The following PLCH2 variants were observed in gnomAD, a reference collection of about 807,000 sequenced individuals.
The protein encoded by PLCH2 is phospholipase C eta 2.
A neutral mutation model predicts 134.7 loss-of-function variants in PLCH2; 98 were observed. The ratio of observed to expected loss-of-function variants is 0.73; its 90% CI spans 0.62 to 0.86. The LOEUF (loss-of-function observed/expected upper bound fraction) is 0.86. Ranked by LOEUF, PLCH2 falls within the 40% of genes least tolerant of loss-of-function variation. The pLI, the probability that PLCH2 is intolerant of heterozygous loss-of-function variation, is 0.00. For synonymous variants in PLCH2, 974 were observed against 827.5 expected (o/e 1.18, Z -3.04); for missense variants, 1,994 against 1,986.6 (o/e 1.00, Z -0.07).
chr1:2,426,989 C>A (rs1389749188), intron 1 of PLCH2, among the ~76,000 whole-genome samples: 6 of 152,212 alleles, frequency 3.9e-5, no homozygotes, highest in African/African-American at 1.4e-4. Context: ...GGACTGTGGG[C>A]AGCCAGTGGC....
upstream of PLCH2, among the ~76,000 whole-genome samples, chr1:2,467,191 G>A (rs1641096377): frequency 6.6e-6 from 1 of 150,538 alleles, no homozygotes; most frequent in African/African-American, 2.4e-5. Context: ...GGGAGGGAGG[G>A]AGGGAGGGAG....
At chr1:2,440,110 A>G (rs1639619364) in intron 2 of PLCH2, among the ~76,000 whole-genome samples, 1 of 152,158 alleles carries the variant, frequency 6.6e-6, no homozygotes, top group South Asian at 2.1e-4. Context: ...CAGCCAGTCC[A>G]CAGGGCCCTG....
At chr1:2,442,677 G>A (rs1007076149) in intron 2 of PLCH2, among the ~76,000 whole-genome samples, 5 of 152,210 alleles carry the variant, frequency 3.3e-5, no homozygotes, top group Admixed American at 2.6e-4. Flanking sequence ...GTGGGTGCAC[G>A]GGGCTGCCCT....
chr1:2,498,403 T>C lies in PLCH2; in HGVS notation c.2225-120T>C. On this transcript the variant is annotated intron_variant, in intron 16 of 21. Coordinates refer to ENST00000378486, the MANE Select transcript of PLCH2 (RefSeq NM_014638.4). This position sits in a 1 kb window ranked among gnomAD's most constrained non-coding sequence, Gnocchi z 5.4. Reference sequence around the variant, plus strand: ...GGACCACTGCCTCCCTCCCTCCCCCTGGCACCGGCTCCAGTCTCCTATGTG... The same window carrying C: ...GGACCACTGCCTCCCTCCCTCCCCCCGGCACCGGCTCCAGTCTCCTATGTG... 8.5e-7 allele frequency: 1 copy of C among 1,170,026 alleles called. No individual in the cohort carries two copies. Among genetic ancestry groups the C allele is most frequent in the Non-Finnish European group, 1.2e-6 (1 of 840,930 alleles). 72.5% of individuals were successfully genotyped at this position (1,170,026 alleles called of 1,614,324 possible).
chr1:2,461,523 C>T (rs1640800329), intron 2 of PLCH2, among the ~76,000 whole-genome samples: 1 of 152,140 alleles, frequency 6.6e-6, no homozygotes, highest in African/African-American at 2.4e-5. Flanking sequence ...AGAGCCTTCC[C>T]GAAGCTCCGG....
At chr1:2,446,136 G>T (rs551430961) in intron 2 of PLCH2, among the ~76,000 whole-genome samples, 1 of 152,362 alleles carries the variant, frequency 6.6e-6, no homozygotes, top group East Asian at 1.9e-4. Flanking sequence ...CCTAGCCAGG[G>T]TGCTGCCCCT....
At position 2,487,665 on chromosome 1, in the gene PLCH2, C is replaced by T. The variant is rs375699587; in HGVS notation, c.1182C>T (p.Ile394=). 2.1e-5 allele frequency: 34 copies of T among 1,613,430 alleles called. No homozygotes were observed. The Middle Eastern group carries it at 6.6e-4, about 31-fold the overall frequency. ...ATGGCTACACTCTGACTTCCAAGATCCTCTTCAAAGACGTCATTGAAACCA... is the reference window on the plus strand; with the variant it reads ...ATGGCTACACTCTGACTTCCAAGATTCTCTTCAAAGACGTCATTGAAACCA... ...VHHGYTLTSK[I]LFKDVIETIN... is the part of the protein sequence containing the mutation. Residue 394 remains isoleucine (I), a synonymous_variant, in exon 8 of 22, where the codon ATC becomes ATT. Coordinates refer to ENST00000378486, the MANE Select transcript of PLCH2 (RefSeq NM_014638.4).
chr1:2,454,722 G>T (rs953809699), intron 2 of PLCH2, among the ~76,000 whole-genome samples: 1 of 152,200 alleles, frequency 6.6e-6, no homozygotes, highest in Non-Finnish European at 1.5e-5. Context: ...GGGAATGGTG[G>T]CTTCCCTGAG....
chr1:2,492,255 C>T (rs1189035134), intron 11 of PLCH2: 1 of 152,246 alleles, frequency 6.6e-6, no homozygotes, highest in Non-Finnish European at 1.5e-5. Context: ...CCTCGGAGCA[C>T]TCGGCACAGC....
At chr1:2,419,634 T>C in the PLCH2 span, among the ~76,000 whole-genome samples, 10 of 152,004 alleles carry the variant, frequency 6.6e-5, no homozygotes, top group Non-Finnish European at 1.5e-4. Flanking sequence ...CCTCACTGGC[T>C]CTTCTTGCCC....
rs375506000 is a variant in PLCH2 at position 2,468,493 on chromosome 1, A to G, written c.43+831A>G. Among the ~76,000 whole-genome samples the G allele has an allele frequency of 2.4e-3, 237 of 99,864 alleles. 10 individuals are homozygous for G. In the South Asian group the frequency reaches 0.064, roughly 27 times the overall value. The allele number at this position is 99,864 out of a possible 152,430, so 65.5% of individuals were successfully genotyped here. A position where few individuals can be genotyped will look rare whatever the true frequency, so the allele number is the denominator to read the frequency against. ...CTGGGGCAGGGTCTACAGCTCCCCA[A>G]ACACAGCGCTAGCTCTGGGCCAGAG... On this transcript the variant is annotated intron_variant, in intron 1 of 21. Coordinates refer to the PLCH2 transcript ENST00000449969.
At chr1:2,458,566 G>T (rs1640613159) in intron 2 of PLCH2, among the ~76,000 whole-genome samples, 1 of 152,152 alleles carries the variant, frequency 6.6e-6, no homozygotes, top group Admixed American at 6.5e-5. Flanking sequence ...AGTGGGTCCA[G>T]CAAGGTTGGT....
At chr1:2,445,294 G>A (rs10449222) in intron 2 of PLCH2, among the ~76,000 whole-genome samples, 18,042 of 152,048 alleles carry the variant, frequency 0.12, 1,288 homozygotes, top group East Asian at 0.24. Flanking sequence ...GGAGGTGAGA[G>A]AGCTGAGCCT....
At position 2,476,444 on chromosome 1, in the gene PLCH2, G is replaced by C; in HGVS notation, c.-145G>C. 1 of 764,778 alleles carries C rather than the reference G, an allele frequency of 1.3e-6. No individual in the cohort carries two copies. 47.4% of individuals were successfully genotyped at this position (764,778 alleles called of 1,614,324 possible). A position where few individuals can be genotyped will look rare whatever the true frequency, so the allele number is the denominator to read the frequency against. On this transcript the variant is annotated 5_prime_UTR_variant, in exon 1 of 22. Coordinates refer to ENST00000378486, the MANE Select transcript of PLCH2 (RefSeq NM_014638.4). The stretch of plus-strand genomic sequence containing the variant: ...GCACAGCCCTGTGGGGGCTTCGGAG[G>C]GCCCTGAGGAGGAGGAGGAAGAGGC...
chr1:2,420,398 T>C, the PLCH2 span, among the ~76,000 whole-genome samples: 4 of 152,124 alleles, frequency 2.6e-5, no homozygotes, highest in South Asian at 8.3e-4. Flanking sequence ...TGGGGCCCAG[T>C]GATGCTGGCA....
intron 5 of PLCH2, among the ~76,000 whole-genome samples, chr1:2,486,201 C>T: frequency 6.6e-6 from 1 of 152,190 alleles, no homozygotes. Flanking sequence ...CTGACCTTTG[C>T]CCCAAGCCTT....
chr1:2,489,925 T>A, intron 10 of PLCH2, 58 bp downstream of exon 10: 1 of 1,224,842 alleles, frequency 8.2e-7, no homozygotes, highest in Non-Finnish European at 1.2e-6. Context: ...CAAGAACAGC[T>A]GTCCGTCCTT....
chr1:2,465,025 C>A (rs529557562), upstream of PLCH2, among the ~76,000 whole-genome samples: 1 of 152,252 alleles, frequency 6.6e-6, no homozygotes, highest in Admixed American at 6.5e-5. Flanking sequence ...GTGTGCAGAG[C>A]CAGGGCCCGG....
At chr1:2,476,769 G>T in intron 1 of PLCH2, 57 bp downstream of exon 1, 1 of 1,516,478 alleles carries the variant, frequency 6.6e-7, no homozygotes. Flanking sequence ...CAGGTGACTG[G>T]TGGGTGGGGG....
Sources: gnomAD v4.1 joint callset for allele counts (sites outside exome capture counted in the v4.1 genomes callset) on GRCh38, gnomAD v4.1.1 for gene constraint, Gnocchi (gnomAD v3.1) non-coding constraint, MANE v1.5 for transcripts, NCBI Gene and HGNC (gene_info 2026-07-23, HGNC 2026-07-21) for gene names.